The following TRPM2 variants were observed in gnomAD, a reference collection of about 807,000 sequenced individuals.
TRPM2 encodes the protein transient receptor potential cation channel subfamily M member 2.
Under a neutral mutation model 174.0 loss-of-function variants are expected in TRPM2, and 161 were observed. The observed-to-expected ratio is 0.93, with a 90% CI of 0.81 to 1.05. The LOEUF (loss-of-function observed/expected upper bound fraction) is 1.05, where lower values mean the gene tolerates loss of function less well. Ranked by LOEUF, TRPM2 falls within the 50% of genes least tolerant of loss-of-function variation. The pLI, the probability that TRPM2 is intolerant of heterozygous loss-of-function variation, is 0.00. For synonymous variants in TRPM2, 954 were observed against 861.3 expected (o/e 1.11, Z -1.88); for missense variants, 2,057 against 2,038.0 (o/e 1.01, Z -0.18).
chr21:44,379,640 G>A (rs1310000358), intron 8 of TRPM2, among the ~76,000 whole-genome samples: 5 of 152,224 alleles, frequency 3.3e-5, no homozygotes, highest in Non-Finnish European at 7.3e-5. Context: ...CTCAGGAGGG[G>A]CCATTGCCCC....
intron 24 of TRPM2, chr21:44,425,178 T>TGGC: frequency 1.9e-6 from 1 of 539,190 alleles, no homozygotes; most frequent in South Asian, 2.4e-5. Flanking sequence ...CGGGGAGGCC[T>TGGC]GGCCTGCTGT....
chr21:44,439,017 G>A lies in TRPM2; in HGVS notation c.4168-50G>A. 6.6e-7 allele frequency: 1 copy of A among 1,517,920 alleles called. No individual in the cohort carries two copies. The highest frequency in any genetic ancestry group is 9.1e-7 in the Non-Finnish European group (1 of 1,103,278). 94.0% of individuals were successfully genotyped at this position (1,517,920 alleles called of 1,614,324 possible). ...GGAGACGGGTGCCAGGGCAGCCTGA[G>A]GTCCCGCTTCGGTGCCCTGTTGACC... is the stretch of plus-strand genomic sequence containing the variant. On this transcript the variant is annotated intron_variant, in intron 29 of 31. Transcript: ENST00000397928. The surrounding 1 kb of genome is among the most constrained non-coding windows in gnomAD (Gnocchi z 5.1).
intron 28 of TRPM2, 39 bp downstream of exon 28, chr21:44,435,256 G>A (rs770582970): frequency 8.1e-6 from 13 of 1,596,164 alleles, no homozygotes; most frequent in Non-Finnish European, 1.1e-5. Flanking sequence ...CCTCAGCAAG[G>A]CGGTCACCCC....
rs770559519 is a variant in TRPM2, at chr21:44,401,673, G to A, written c.2322-8G>A. 6 of 1,611,514 alleles carry A rather than the reference G, an allele frequency of 3.7e-6. No homozygotes were observed. Among genetic ancestry groups the A allele is most frequent in the East Asian group, 2.2e-5 (1 of 44,874 alleles). On this transcript the variant is annotated splice_polypyrimidine_tract_variant and splice_region_variant and intron_variant, in intron 15 of 31. Transcript: ENST00000397928. ...GTCACTGTCTCCTCTCTGCTGTGAC[G>A]GCCGCAGGGAGAAGAGGCTGCAGGA...
intron 29 of TRPM2, 77 bp downstream of exon 29, chr21:44,437,244 G>C: frequency 2.9e-6 from 4 of 1,377,398 alleles, no homozygotes; most frequent in Non-Finnish European, 4.0e-6. Context: ...TTCTGCCCAC[G>C]GACTGGACAC....
intron 8 of TRPM2, among the ~76,000 whole-genome samples, chr21:44,380,850 A>C (rs1182308647): frequency 6.6e-6 from 1 of 152,048 alleles, no homozygotes; most frequent in East Asian, 1.9e-4. Flanking sequence ...TGAGTGCTCG[A>C]CTCAGACGAG....
intron 12 of TRPM2, among the ~76,000 whole-genome samples, 180 bp from the exon 13 acceptor site, chr21:44,397,567 G>T (rs2049468508): frequency 6.6e-6 from 1 of 151,668 alleles, no homozygotes; most frequent in African/African-American, 2.4e-5. Flanking sequence ...ATCATCAGAG[G>T]TTGTGTATTG....
Position 44,399,470 on chromosome 21 carries a change from C to A in TRPM2, c.2208+29C>A. The A allele has an allele frequency of 6.3e-7, 1 of 1,599,456 alleles. No homozygotes were observed. The highest frequency in any genetic ancestry group is 8.5e-7 in the Non-Finnish European group (1 of 1,172,648). ...ACCTCCCAAGAGCCCCTTCCAGAAA[C>A]AGACGCCTGTGGTGCCTGCAGGGCG... On this transcript the variant is annotated intron_variant, in intron 14 of 31. Transcript: ENST00000397928. This position sits in a 1 kb window ranked among gnomAD's most constrained non-coding sequence, Gnocchi z 4.6.
At chr21:44,374,657 C>T (rs1044424036) in intron 5 of TRPM2, among the ~76,000 whole-genome samples, 23 of 152,130 alleles carry the variant, frequency 1.5e-4, no homozygotes, top group Admixed American at 1.5e-3. Flanking sequence ...GCACAGTTCA[C>T]AGTAAGGTTA....
chr21:44,381,848 A>C (rs2048886588), intron 8 of TRPM2, among the ~76,000 whole-genome samples: 1 of 151,850 alleles, frequency 6.6e-6, no homozygotes, highest in Non-Finnish European at 1.5e-5. Context: ...TGGAGGTTGC[A>C]GTGACCCAAG....
chr21:44,404,051 A>G (rs1040934505), intron 16 of TRPM2, among the ~76,000 whole-genome samples: 10 of 152,128 alleles, frequency 6.6e-5, no homozygotes, highest in Non-Finnish European at 2.9e-5. Context: ...ACATATACAC[A>G]TATACATACA....
rs1179003915 is a variant in TRPM2, at chr21:44,439,907, G to C, written c.4269+739G>C. Among the ~76,000 whole-genome samples the C allele has an allele frequency of 6.6e-6, 1 of 152,084 alleles. No homozygotes were observed. The highest frequency in any genetic ancestry group is 2.4e-5 in the African/African-American group (1 of 41,536). ...CGTCTAATATTTTGTATTTTTAGTAGAGACAGGGTTTGGCCATGTTGCCCA... is the reference window on the plus strand; with the variant it reads ...CGTCTAATATTTTGTATTTTTAGTACAGACAGGGTTTGGCCATGTTGCCCA... On this transcript the variant is annotated intron_variant, in intron 30 of 31. Coordinates refer to ENST00000397928, the MANE Select transcript of TRPM2 (RefSeq NM_003307.4). The surrounding 1 kb of genome is among the most constrained non-coding windows in gnomAD (Gnocchi z 5.1).
chr21:44,414,483 C>T, intron 20 of TRPM2: 1 of 192,108 alleles, frequency 5.2e-6, no homozygotes, highest in Non-Finnish European at 1.1e-5. Flanking sequence ...GCCGCTGCTG[C>T]TCAGGGCTGT....
chr21:44,425,659 A>G lies in TRPM2; in HGVS notation c.3638-11A>G. ...CTCCGCCTTGCGTCACGTCTTCCTGACTGTCCCCAGCCTCCCAGAAGGCCG... is the reference window on the plus strand; with the variant it reads ...CTCCGCCTTGCGTCACGTCTTCCTGGCTGTCCCCAGCCTCCCAGAAGGCCG... On this transcript the variant is annotated splice_polypyrimidine_tract_variant and intron_variant, in intron 24 of 31. Coordinates refer to ENST00000397928, the MANE Select transcript of TRPM2 (RefSeq NM_003307.4). The G allele has an allele frequency of 6.7e-7, 1 of 1,495,556 alleles. No individual in the cohort carries two copies. Among genetic ancestry groups the G allele is most frequent in the Admixed American group, 2.2e-5 (1 of 46,114 alleles). 92.6% of individuals were successfully genotyped at this position (1,495,556 alleles called of 1,614,324 possible).
chr21:44,432,973 C>T lies in TRPM2; in HGVS notation c.3975-2158C>T, dbSNP rs567218488. Reference sequence around the variant, plus strand: ...GATGAGGGGTTGAGAACCATATGGACGAGATCATGACCGGGGGATCAGAGA... The same window carrying T: ...GATGAGGGGTTGAGAACCATATGGATGAGATCATGACCGGGGGATCAGAGA... On this transcript the variant is annotated intron_variant, in intron 27 of 31. Transcript: ENST00000397928. The surrounding 1 kb of genome is among the most constrained non-coding windows in gnomAD (Gnocchi z 4.9). Among the ~76,000 whole-genome samples, 13 of 152,180 alleles carry T rather than the reference C, an allele frequency of 8.5e-5. No individual in the cohort carries two copies. The highest frequency in any genetic ancestry group is 1.6e-4 in the Non-Finnish European group (11 of 68,004).
intron 11 of TRPM2, among the ~76,000 whole-genome samples, chr21:44,392,864 C>T (rs920872537): frequency 6.6e-5 from 10 of 152,124 alleles, no homozygotes; most frequent in South Asian, 6.2e-4. Context: ...AACATTCCAC[C>T]GTATTTTTGT....
Position 44,441,993 on chromosome 21 carries a change from C to T in TRPM2, c.*176C>T. ...AGTCTGCTGCAGATGACCTCATGAA[C>T]TGGAAGGGGTCAAGGTGACCCGGGA... On this transcript the variant is annotated 3_prime_UTR_variant, in exon 32 of 32. Transcript: ENST00000397928. 1.0e-6 allele frequency: 1 copy of T among 969,582 alleles called. No homozygotes were observed. The highest frequency in any genetic ancestry group is 1.4e-6 in the Non-Finnish European group (1 of 712,040). 60.1% of individuals were successfully genotyped at this position (969,582 alleles called of 1,614,324 possible).
intron 28 of TRPM2, among the ~76,000 whole-genome samples, chr21:44,436,013 C>T (rs543011228): frequency 3.3e-5 from 5 of 151,022 alleles, no homozygotes; most frequent in East Asian, 2.0e-4. Flanking sequence ...CCCTCAGACC[C>T]TCTCCATACT....
Position 44,391,641 on chromosome 21 carries a change from G to C in TRPM2, c.1794+16G>C. On this transcript the variant is annotated intron_variant, in intron 11 of 31. Transcript: ENST00000397928. The surrounding 1 kb of genome is among the most constrained non-coding windows in gnomAD (Gnocchi z 5.0). Reference sequence around the variant, plus strand: ...CAAGCTCAACGTGCGTGCTGGTAACGGGGCCCATCCTGGACTCGTCTTCGC... The same window carrying C: ...CAAGCTCAACGTGCGTGCTGGTAACCGGGCCCATCCTGGACTCGTCTTCGC... The C allele has an allele frequency of 1.9e-6, 3 of 1,557,830 alleles. No homozygotes were observed. The highest frequency in any genetic ancestry group is 2.6e-6 in the Non-Finnish European group (3 of 1,158,746).
Sources: gnomAD v4.1 joint callset for allele counts (sites outside exome capture counted in the v4.1 genomes callset) on GRCh38, gnomAD v4.1.1 for gene constraint, Gnocchi (gnomAD v3.1) non-coding constraint, MANE v1.5 for transcripts, NCBI Gene and HGNC (gene_info 2026-07-23, HGNC 2026-07-21) for gene names.